Variants in DCDC2 observed in about 807,000 individuals in gnomAD.
The protein encoded by DCDC2 is doublecortin domain containing 2, also known as doublecortin domain-containing protein 2.
DCDC2 carries 40 observed loss-of-function variants against 50.2 expected under a neutral mutation model. That is an observed-to-expected ratio of 0.80 (90% confidence interval 0.62 to 1.04). DCDC2 has a LOEUF of 1.04. Ranked by LOEUF, DCDC2 falls within the 50% of genes least tolerant of loss-of-function variation. DCDC2 has a pLI of 0.00. For synonymous variants in DCDC2, 234 were observed against 210.6 expected (o/e 1.11, Z -0.96); for missense variants, 570 against 581.9 (o/e 0.98, Z 0.21).
chr6:24,301,910 A>G, intron 3 of DCDC2, 58 bp downstream of exon 3: 1 of 1,612,250 alleles, frequency 6.2e-7, no homozygotes, highest in Admixed American at 1.7e-5. Flanking sequence ...ACAAATTCCA[A>G]ACCAAAAGGA....
At chr6:24,256,701 T>C (rs913753157) in intron 7 of DCDC2, among the ~76,000 whole-genome samples, 20 of 152,240 alleles carry the variant, frequency 1.3e-4, no homozygotes, top group African/African-American at 4.8e-4. Flanking sequence ...CCCCATCATA[T>C]AATGTGAGAA....
intron 7 of DCDC2, among the ~76,000 whole-genome samples, chr6:24,219,180 C>T (rs1405930659): frequency 2.6e-5 from 4 of 152,092 alleles, no homozygotes; most frequent in Admixed American, 2.6e-4. Context: ...AAGAAAATAT[C>T]TGTTTTAGGA....
intron 2 of DCDC2, among the ~76,000 whole-genome samples, chr6:24,304,588 C>T (rs1451176855): frequency 1.3e-5 from 2 of 152,172 alleles, no homozygotes; most frequent in Non-Finnish European, 2.9e-5. Context: ...CTTCCCACTC[C>T]TATGCCCTAA....
chr6:24,287,905 C>T (rs996829651), intron 6 of DCDC2, among the ~76,000 whole-genome samples: 10 of 152,126 alleles, frequency 6.6e-5, no homozygotes, highest in African/African-American at 1.9e-4. Flanking sequence ...GGCAAGAGCT[C>T]TATTGATTTT....
chr6:24,313,102 C>T (rs1170506872), intron 2 of DCDC2, among the ~76,000 whole-genome samples: 1 of 152,156 alleles, frequency 6.6e-6, no homozygotes, highest in Non-Finnish European at 1.5e-5. Flanking sequence ...TATATCACCA[C>T]AGAAATATTT....
intron 1 of DCDC2, among the ~76,000 whole-genome samples, chr6:24,355,233 A>G (rs866861269): frequency 2.0e-5 from 3 of 152,122 alleles, no homozygotes; most frequent in African/African-American, 7.2e-5. Context: ...AATCTCTTAG[A>G]GAGACTTGAG....
chr6:24,358,835 A>ATACTTTATTTATT (rs1554121636), upstream of DCDC2, among the ~76,000 whole-genome samples: 1 of 59,352 alleles, frequency 1.7e-5, no homozygotes, highest in African/African-American at 7.2e-5. Flanking sequence ...TTATATTTAT[A>ATACTTTATTTATT]TATATATTTA....
At chr6:24,372,340 A>G in the DCDC2 span, among the ~76,000 whole-genome samples, 1 of 151,894 alleles carries the variant, frequency 6.6e-6, no homozygotes, top group South Asian at 2.1e-4. Context: ...AATGGCGTGA[A>G]CCCGGGAGGC....
intron 2 of DCDC2, among the ~76,000 whole-genome samples, chr6:24,312,891 A>G (rs1029589559): frequency 4.6e-5 from 7 of 152,222 alleles, no homozygotes; most frequent in Non-Finnish European, 8.8e-5. Flanking sequence ...TTTTTAACCT[A>G]AAAATGACCC....
chr6:24,259,452 T>C (rs955767285), intron 7 of DCDC2, among the ~76,000 whole-genome samples: 3 of 152,160 alleles, frequency 2.0e-5, no homozygotes, highest in African/African-American at 7.2e-5. Flanking sequence ...TAAGCTAATG[T>C]GAAAAAGTAT....
chr6:24,205,685 T>C (rs946071122), intron 7 of DCDC2, among the ~76,000 whole-genome samples: 7 of 152,238 alleles, frequency 4.6e-5, no homozygotes, highest in Non-Finnish European at 8.8e-5. Flanking sequence ...CTTTAAATCC[T>C]TAACTATCAA....
intron 7 of DCDC2, among the ~76,000 whole-genome samples, chr6:24,264,869 C>A (rs1286648705): frequency 6.6e-6 from 1 of 150,474 alleles, no homozygotes; most frequent in Admixed American, 6.6e-5. Context: ...CTGTTACCTA[C>A]AAGAAACACA....
intron 1 of DCDC2, chr6:24,356,922 A>T (rs1397724526): frequency 6.5e-6 from 1 of 152,680 alleles, no homozygotes; most frequent in Non-Finnish European, 1.5e-5. Flanking sequence ...AACAGCATAA[A>T]CATGCAGGGG....
chr6:24,243,325 G>A (rs1762603426), intron 7 of DCDC2, among the ~76,000 whole-genome samples: 1 of 152,186 alleles, frequency 6.6e-6, no homozygotes, highest in South Asian at 2.1e-4. Context: ...AAGTCAGGCT[G>A]GACATGAGGT....
intron 7 of DCDC2, among the ~76,000 whole-genome samples, chr6:24,266,499 A>C (rs1763124760): frequency 1.3e-5 from 2 of 152,214 alleles, no homozygotes; most frequent in African/African-American, 4.8e-5. Context: ...TAATTTAAAA[A>C]TGGGCAAAAC....
At chr6:24,189,578 T>C (rs1194261433) in intron 8 of DCDC2, among the ~76,000 whole-genome samples, 1 of 152,190 alleles carries the variant, frequency 6.6e-6, no homozygotes, top group Non-Finnish European at 1.5e-5. Flanking sequence ...ATTTCTTATA[T>C]TTACATCAGA....
intron 8 of DCDC2, among the ~76,000 whole-genome samples, chr6:24,197,082 C>T (rs539563701): frequency 1.3e-3 from 198 of 152,276 alleles, no homozygotes; most frequent in African/African-American, 4.6e-3. Context: ...CCTTTGGTTA[C>T]CTGGCTTTGG....
intron 2 of DCDC2, among the ~76,000 whole-genome samples, chr6:24,302,962 T>C (rs1040503647): frequency 2.6e-5 from 4 of 152,064 alleles, no homozygotes; most frequent in African/African-American, 9.6e-5. Context: ...CCCTCAACTT[T>C]CCTTCCCTCC....
At position 24,183,522 on chromosome 6, in the gene DCDC2, G is replaced by A. The variant is rs143870720; in HGVS notation, c.1024-4890C>T. 2.8e-3 allele frequency among the ~76,000 whole-genome samples: 429 copies of A among 152,226 alleles called. 3 individuals carry two copies. Among genetic ancestry groups the A allele is most frequent in the South Asian group, 0.024 (115 of 4,820 alleles). On this transcript the variant is annotated intron_variant, in intron 8 of 9. Transcript: ENST00000378454. ...TAAACCAGCTCAGAGAAAACATGGC[G>A]GATGGTTCCCCACGAACAAGTCAGA...
Sources: allele counts gnomAD v4.1 joint callset (sites outside exome capture counted in the v4.1 genomes callset), GRCh38; gene constraint gnomAD v4.1.1; transcripts MANE v1.5; gene names NCBI Gene and HGNC (gene_info 2026-07-23, HGNC 2026-07-21).